RBMS1: variants seen among roughly 807,000 people sequenced by gnomAD.
The protein encoded by RBMS1 is RNA binding motif single stranded interacting protein 1, also known as RNA-binding motif, single-stranded-interacting protein 1.
A neutral mutation model predicts 62.3 loss-of-function variants in RBMS1; 17 were observed. The observed-to-expected ratio is 0.27, with a 90% CI of 0.19 to 0.41. The LOEUF is 0.41. RBMS1 is among the 10% of genes least tolerant of loss of function. The pLI is 1.00. For missense variants in RBMS1, 334 were observed against 504.5 expected, an observed-to-expected ratio of 0.66 and a Z score of 3.24; for synonymous variants, 172 against 170.0, an observed-to-expected ratio of 1.01 and a Z score of -0.09.
intron 6 of RBMS1, among the ~76,000 whole-genome samples, chr2:160,293,553 C>G (rs997321323): frequency 2.6e-5 from 4 of 152,306 alleles, no homozygotes; most frequent in Non-Finnish European, 4.4e-5. Flanking sequence ...ATTCCCTGCC[C>G]TTAGCACACA....
chr2:160,448,411 C>T (rs1683766115), intron 1 of RBMS1, among the ~76,000 whole-genome samples: 1 of 152,166 alleles, frequency 6.6e-6, no homozygotes, highest in South Asian at 2.1e-4. Context: ...TCTCCTGCCT[C>T]AGCCTGCAGA....
At position 160,348,418 on chromosome 2, in the gene RBMS1, C is replaced by T. The variant is rs188222833; in HGVS notation, c.251+18798G>A. Among the ~76,000 whole-genome samples, 43 of 152,232 alleles carry T rather than the reference C, an allele frequency of 2.8e-4. 1 individual carries two copies. The East Asian group carries it at 8.1e-3, about 29-fold the overall frequency. On this transcript the variant is annotated intron_variant, in intron 2 of 13. Transcript: ENST00000348849. ...ATGTAGCATGTATACATATTACAGC[C>T]TGTCTTGTTTTAGAAAGGACTTAGG...
At chr2:160,281,249 A>C (rs1260227420) in intron 10 of RBMS1, 65 bp downstream of exon 10, 8 of 1,333,000 alleles carry the variant, frequency 6.0e-6, no homozygotes, top group Non-Finnish European at 8.3e-6. Flanking sequence ...AAATGGTTTT[A>C]ACCTAGAGAG....
intron 2 of RBMS1, among the ~76,000 whole-genome samples, chr2:160,320,168 T>A (rs1690475499): frequency 6.6e-6 from 1 of 152,342 alleles, no homozygotes; most frequent in South Asian, 2.1e-4. Context: ...CCAAATCTCA[T>A]GTTGGAATAT....
chr2:160,273,030 T>C lies in RBMS1; in HGVS notation c.*1742A>G, dbSNP rs1687654303. On this transcript the variant is annotated 3_prime_UTR_variant, in exon 14 of 14. Coordinates refer to ENST00000348849, the MANE Select transcript of RBMS1 (RefSeq NM_016836.4). ...AGACTCTGAGGTAGATAACTGATCA[T>C]ACACAGCTGACCAGACAAGTACACA... is the stretch of plus-strand genomic sequence containing the variant. The C allele has an allele frequency of 6.6e-6, 1 of 152,242 alleles. No homozygotes were observed. Among genetic ancestry groups the C allele is most frequent in the Non-Finnish European group, 1.5e-5 (1 of 68,040 alleles). The allele number at this position is 152,242 out of a possible 1,614,324, so 9.4% of individuals were successfully genotyped here. A position where few individuals can be genotyped will look rare whatever the true frequency, so the allele number is the denominator to read the frequency against.
chr2:160,408,776 C>T (rs1436828657), intron 1 of RBMS1, among the ~76,000 whole-genome samples: 3 of 152,146 alleles, frequency 2.0e-5, no homozygotes, highest in Non-Finnish European at 4.4e-5. Flanking sequence ...CGTATGAAGC[C>T]CCGAACCTGT....
chr2:160,337,116 T>C (rs1419297171), intron 2 of RBMS1, among the ~76,000 whole-genome samples: 2 of 151,616 alleles, frequency 1.3e-5, no homozygotes, highest in African/African-American at 4.8e-5. Context: ...CATTTTCTTT[T>C]CGTTTTTCTT....
chr2:160,293,830 C>G (rs1001451198), intron 6 of RBMS1, among the ~76,000 whole-genome samples: 2 of 152,184 alleles, frequency 1.3e-5, no homozygotes, highest in African/African-American at 4.8e-5. Context: ...CATTTTTAGA[C>G]AAATCACTGA....
At chr2:160,430,132 T>C (rs1289704412) in intron 1 of RBMS1, among the ~76,000 whole-genome samples, 3 of 152,232 alleles carry the variant, frequency 2.0e-5, no homozygotes, top group African/African-American at 7.2e-5. Flanking sequence ...CCAGCTGAGC[T>C]CCCAACTGCA....
At position 160,393,004 on chromosome 2, in the gene RBMS1, A is replaced by T. The variant is rs1035454548; in HGVS notation, c.76-25613T>A. Among the ~76,000 whole-genome samples the T allele has an allele frequency of 5.3e-5, 8 of 152,334 alleles. No homozygotes were observed. The South Asian group carries it at 1.0e-3, about 20-fold the overall frequency. On this transcript the variant is annotated intron_variant, in intron 1 of 13. Transcript: ENST00000348849. ...GCCAGTTTTTCTGCACCCCTTTTAA[A>T]GAGATAAAACCAAACTCGGCAATGA...
chr2:160,473,662 A>G (rs889170641), intron 1 of RBMS1, among the ~76,000 whole-genome samples: 1 of 152,198 alleles, frequency 6.6e-6, no homozygotes, highest in African/African-American at 2.4e-5. Flanking sequence ...AAATCTCAGC[A>G]GGGCAGCAAA....
intron 1 of RBMS1, among the ~76,000 whole-genome samples, chr2:160,440,468 A>G (rs2105302458): frequency 6.6e-6 from 1 of 152,208 alleles, no homozygotes; most frequent in South Asian, 2.1e-4. Flanking sequence ...GAACACCTCA[A>G]ATACCCCAGG....
intron 2 of RBMS1, among the ~76,000 whole-genome samples, chr2:160,350,917 A>G (rs969578152): frequency 6.6e-6 from 1 of 152,132 alleles, no homozygotes; most frequent in African/African-American, 2.4e-5. Flanking sequence ...TAGATCCTTG[A>G]GGAATCGCCA....
intron 6 of RBMS1, among the ~76,000 whole-genome samples, chr2:160,288,783 T>C (rs973614681): frequency 2.6e-5 from 4 of 152,248 alleles, no homozygotes; most frequent in African/African-American, 9.6e-5. Context: ...GGTGCTTTTA[T>C]CTAGAGGGTT....
chr2:160,390,688 C>CAAAA (rs34478081), intron 1 of RBMS1, among the ~76,000 whole-genome samples: 11 of 60,586 alleles, frequency 1.8e-4, no homozygotes, highest in African/African-American at 6.1e-4. Context: ...GACCCAGTCT[C>CAAAA]AAAAAAAAAA....
chr2:160,286,317 T>A, intron 7 of RBMS1, among the ~76,000 whole-genome samples: 1 of 150,458 alleles, frequency 6.6e-6, no homozygotes, highest in Non-Finnish European at 1.5e-5. Context: ...TTTTTTTTTT[T>A]TTATTTTGTT....
At chr2:160,296,389 T>C (rs765990357) in intron 6 of RBMS1, among the ~76,000 whole-genome samples, 3 of 152,190 alleles carry the variant, frequency 2.0e-5, no homozygotes, top group Non-Finnish European at 4.4e-5. Context: ...TATTACAAGA[T>C]CAGGTGTAGC....
chr2:160,452,488 T>C (rs1574077901), intron 1 of RBMS1, among the ~76,000 whole-genome samples: 1 of 152,244 alleles, frequency 6.6e-6, no homozygotes, highest in South Asian at 2.1e-4. Flanking sequence ...ATAAATGCTA[T>C]GTAAATAGTG....
intron 1 of RBMS1, among the ~76,000 whole-genome samples, chr2:160,446,356 A>G (rs1369000898): frequency 6.6e-6 from 1 of 152,070 alleles, no homozygotes; most frequent in Non-Finnish European, 1.5e-5. Context: ...TCAGGCAATT[A>G]TGACAAAGCT....
Sources: gnomAD v4.1 joint callset for allele counts (sites outside exome capture counted in the v4.1 genomes callset) on GRCh38, gnomAD v4.1.1 for gene constraint, MANE v1.5 for transcripts, NCBI Gene and HGNC (gene_info 2026-07-23, HGNC 2026-07-21) for gene names.